The following FGD5 variants were observed in gnomAD, a reference collection of about 807,000 sequenced individuals.
The protein encoded by FGD5 is FYVE, RhoGEF and PH domain containing 5.
A neutral mutation model predicts 133.4 loss-of-function variants in FGD5; 28 were observed. The observed-to-expected ratio is 0.21, with a 90% CI of 0.16 to 0.29. FGD5 has a LOEUF of 0.29. FGD5 is among the 10% of genes least tolerant of loss of function. The probability of loss-of-function intolerance (pLI) is 1.00; values close to 1 mark genes in which losing one functional copy is unlikely to be tolerated. For synonymous variants in FGD5, 810 were observed against 776.5 expected, an observed-to-expected ratio of 1.04 and a Z score of -0.72; for missense variants, 1,858 against 1,895.2, an observed-to-expected ratio of 0.98 and a Z score of 0.36.
In FGD5 at chr3:14,917,254, C is replaced by T. The variant is rs926614627; in HGVS notation, c.3411C>T (p.Asn1137=). Residue 1137 remains asparagine, a synonymous_variant, in exon 12 of 20, where the codon AAC becomes AAT. Transcript: ENST00000285046. The surrounding 1 kb of genome is among the most constrained non-coding windows in gnomAD (Gnocchi z 4.1). ...NRRPRHLFLM[N]DVLLYTYPQK... ...TAGGGTTTCCCTCTCTCCAGATGAACGATGTGCTCCTGTACACCTATCCCC... is the reference window on the plus strand; with the variant it reads ...TAGGGTTTCCCTCTCTCCAGATGAATGATGTGCTCCTGTACACCTATCCCC... 2.9e-5 allele frequency: 46 copies of T among 1,613,144 alleles called. No homozygotes were observed. Among genetic ancestry groups the T allele is most frequent in the East Asian group, 4.5e-5 (2 of 44,880 alleles).
intron 11 of FGD5, among the ~76,000 whole-genome samples, chr3:14,911,859 C>T (rs1405234393): frequency 7.3e-5 from 11 of 150,496 alleles, no homozygotes. Flanking sequence ...ACGGCAGCGC[C>T]GCCGTGTCTG....
intron 4 of FGD5, among the ~76,000 whole-genome samples, chr3:14,889,582 GGGA>G (rs2037987413): frequency 6.6e-6 from 1 of 152,136 alleles, no homozygotes; most frequent in Non-Finnish European, 1.5e-5. Context: ...GCAGAGTCAC[GGGA>G]TAAGCATAGA....
intron 1 of FGD5, among the ~76,000 whole-genome samples, chr3:14,851,573 A>G (rs2125094347): frequency 6.6e-6 from 1 of 152,356 alleles, no homozygotes; most frequent in South Asian, 2.1e-4. Context: ...AGGTTGCCCA[A>G]GGCACTTCCA....
intron 1 of FGD5, among the ~76,000 whole-genome samples, chr3:14,852,481 A>T (rs1408639812): frequency 1.3e-5 from 2 of 152,248 alleles, no homozygotes; most frequent in Non-Finnish European, 2.9e-5. Flanking sequence ...AAATGTTCCA[A>T]AATTAGATAA....
chr3:14,921,950 G>C lies in FGD5; in HGVS notation c.3602G>C (p.Cys1201Ser). The part of the protein sequence containing the change: ...SCAERDEWYG[C>S]LSRALPEDYK... ...GCAGAGAGGGACGAGTGGTATGGCT[G>C]TCTGAGCAGAGCCCTCCCTGAGGAC... is the stretch of plus-strand genomic sequence containing the variant. The change falls in exon 14 of 20, where the codon TGT (cysteine) becomes TCT (serine). Residue 1201 changes from cysteine (C) to serine (S), a missense_variant. By Grantham distance (112) the Cys-to-Ser change is moderately radical. Coordinates refer to ENST00000285046, the MANE Select transcript of FGD5 (RefSeq NM_152536.4). 1.9e-6 allele frequency: 3 copies of C among 1,571,552 alleles called. No individual in the cohort carries two copies. The East Asian group carries it at 7.1e-5, about 37-fold the overall frequency.
intron 4 of FGD5, among the ~76,000 whole-genome samples, chr3:14,894,693 T>A (rs1300697044): frequency 7.6e-6 from 1 of 132,120 alleles, no homozygotes. Context: ...TTTTTTTTTT[T>A]AGATACGAGA....
At chr3:14,840,075 T>TA (rs1338162243) in intron 1 of FGD5, among the ~76,000 whole-genome samples, 1 of 152,344 alleles carries the variant, frequency 6.6e-6, no homozygotes, top group East Asian at 1.9e-4. Context: ...CCTGCCTAGT[T>TA]ACTGCATCCA....
chr3:14,812,123 G>C (rs2036305030), intron 1 of FGD5, among the ~76,000 whole-genome samples: 1 of 152,104 alleles, frequency 6.6e-6, no homozygotes, highest in Non-Finnish European at 1.5e-5. Context: ...CAGGCTGCGC[G>C]TTTAGACAGT....
intron 1 of FGD5, among the ~76,000 whole-genome samples, chr3:14,830,600 T>C (rs2036688507): frequency 6.6e-6 from 1 of 152,220 alleles, no homozygotes; most frequent in Non-Finnish European, 1.5e-5. Context: ...GAAGAGAGTC[T>C]TATTGTTGGA....
intron 1 of FGD5, among the ~76,000 whole-genome samples, chr3:14,845,792 T>C (rs1559478063): frequency 6.6e-6 from 1 of 152,238 alleles, no homozygotes; most frequent in Admixed American, 6.5e-5. Context: ...AAACTGCCTT[T>C]AATACACTTT....
At position 14,822,317 on chromosome 3, in the gene FGD5, A is replaced by C. The variant is rs1054860704; in HGVS notation, c.2525+721A>C. 2.0e-5 allele frequency among the ~76,000 whole-genome samples: 3 copies of C among 152,130 alleles called. No homozygotes were observed. The South Asian group carries it at 6.2e-4, about 32-fold the overall frequency. On this transcript the variant is annotated intron_variant, in intron 1 of 19. Coordinates refer to ENST00000285046, the MANE Select transcript of FGD5 (RefSeq NM_152536.4). ...AGGTTCTGGAATCTTGCCAAACTAA[A>C]TATCTTTCACATCAGGAAAATACCC...
chr3:14,894,698 A>T, intron 4 of FGD5, among the ~76,000 whole-genome samples: 2 of 139,042 alleles, frequency 1.4e-5, no homozygotes, highest in African/African-American at 5.4e-5. Context: ...TTTTTTAGAT[A>T]CGAGATCTTG....
At chr3:14,810,964 C>T (rs1055020470) in intron 1 of FGD5, 12 of 928,134 alleles carry the variant, frequency 1.3e-5, no homozygotes, top group Non-Finnish European at 1.5e-5. Context: ...GGCTAGCTGC[C>T]CGAAATCCTC....
intron 4 of FGD5, among the ~76,000 whole-genome samples, chr3:14,892,802 A>G (rs2038055543): frequency 6.9e-6 from 1 of 145,318 alleles, no homozygotes; most frequent in African/African-American, 2.6e-5. Flanking sequence ...CTGGGCAACA[A>G]GAGCAAAAAT....
intron 10 of FGD5, 42 bp from the exon 11 acceptor site, chr3:14,910,819 G>T: frequency 1.3e-6 from 2 of 1,586,460 alleles, no homozygotes; most frequent in Admixed American, 1.7e-5. Flanking sequence ...GGGATTCAGG[G>T]GGCATCAGCC....
intron 4 of FGD5, among the ~76,000 whole-genome samples, chr3:14,886,210 T>C (rs903067104): frequency 6.6e-6 from 1 of 152,134 alleles, no homozygotes; most frequent in African/African-American, 2.4e-5. Context: ...AGGAGAAAGG[T>C]AGAAAAGCAA....
intron 4 of FGD5, among the ~76,000 whole-genome samples, chr3:14,894,207 A>G (rs949228649): frequency 6.6e-6 from 1 of 152,132 alleles, no homozygotes; most frequent in African/African-American, 2.4e-5. Context: ...AACATGCGAT[A>G]TTTGTCTTTC....
chr3:14,902,070 T>G (rs1689564), intron 9 of FGD5, among the ~76,000 whole-genome samples: 18,503 of 151,566 alleles, frequency 0.12, 1,482 homozygotes, highest in East Asian at 0.41. Context: ...TCACTTGAGG[T>G]CAGGAGTTCA....
intron 1 of FGD5, among the ~76,000 whole-genome samples, chr3:14,812,631 C>A (rs899862541): frequency 6.6e-6 from 1 of 152,190 alleles, no homozygotes; most frequent in African/African-American, 2.4e-5. Context: ...CACATTCAGG[C>A]CGTGCCCCAT....
Sources: gnomAD v4.1 joint callset for allele counts (sites outside exome capture counted in the v4.1 genomes callset) on GRCh38, gnomAD v4.1.1 for gene constraint, Gnocchi (gnomAD v3.1) non-coding constraint, MANE v1.5 for transcripts, NCBI Gene and HGNC (gene_info 2026-07-23, HGNC 2026-07-21) for gene names.